SGSM3: variants seen among roughly 807,000 people sequenced by gnomAD.
SGSM3 encodes RUN and SH3 containing 3.
Under a neutral mutation model 100.5 loss-of-function variants are expected in SGSM3, and 96 were observed. The ratio of observed to expected loss-of-function variants is 0.96; its 90% CI spans 0.81 to 1.13. The LOEUF (loss-of-function observed/expected upper bound fraction) is 1.13, where lower values mean the gene tolerates loss of function less well. Ranked by LOEUF, SGSM3 falls within the 50% of genes most tolerant of loss-of-function variation. SGSM3 has a pLI of 0.00. For missense variants in SGSM3, 1,001 were observed against 1,015.8 expected (o/e 0.99, Z 0.20); for synonymous variants, 483 against 422.8 (o/e 1.14, Z -1.75).
chr22:40,405,144 G>T lies in SGSM3; in HGVS notation c.478G>T (p.Glu160Ter). Residue 160 changes from glutamate (E) to a stop codon, truncating the protein, a stop_gained, in exon 7 of 22, where the codon GAG (glutamate) becomes TAG (stop). Coordinates refer to ENST00000248929, the MANE Select transcript of SGSM3 (RefSeq NM_015705.6). LOFTEE classifies it high-confidence loss of function. ...GGTGCCGATGGCTGCCTGACAGATC[G>T]AGAAGGACCTGCTCCGCACCATGCC... ...NDETIAAKQI[E>*]KDLLRTMPSN... 1 of 1,514,630 alleles carries T rather than the reference G, an allele frequency of 6.6e-7. No homozygotes were observed. Among genetic ancestry groups the T allele is most frequent in the South Asian group, 1.3e-5 (1 of 77,542 alleles). The allele number at this position is 1,514,630 out of a possible 1,614,324, so 93.8% of individuals were successfully genotyped here.
chr22:40,383,741 C>G (rs191991002), intron 1 of SGSM3, among the ~76,000 whole-genome samples: 2 of 152,258 alleles, frequency 1.3e-5, no homozygotes, highest in Admixed American at 1.3e-4. Flanking sequence ...TCTATGGAAT[C>G]AGAGCTGTGC....
chr22:40,402,129 C>A lies in SGSM3; in HGVS notation c.91-10C>A, dbSNP rs1316633424. The stretch of plus-strand genomic sequence containing the variant: ...ACAGGCAACTGACTTCAACCTCATC[C>A]TGATTCTAGAAGGAAGAGTCAGCAG... On this transcript the variant is annotated splice_polypyrimidine_tract_variant and intron_variant, in intron 3 of 21. Transcript: ENST00000248929. 6.2e-7 allele frequency: 1 copy of A among 1,611,996 alleles called. No individual in the cohort carries two copies. The highest frequency in any genetic ancestry group is 1.7e-5 in the Admixed American group (1 of 60,016).
chr22:40,374,018 G>A (rs1275826834), intron 1 of SGSM3, among the ~76,000 whole-genome samples: 1 of 151,764 alleles, frequency 6.6e-6, no homozygotes, highest in Non-Finnish European at 1.5e-5. Flanking sequence ...GCGTGATCTC[G>A]GCTCACTGCA....
chr22:40,404,998 A>G, intron 6 of SGSM3, 143 bp from the exon 7 acceptor site: 3 of 1,143,846 alleles, frequency 2.6e-6, no homozygotes. Context: ...ACTGGCTGGG[A>G]GCTGACCCTG....
intron 1 of SGSM3, among the ~76,000 whole-genome samples, chr22:40,388,797 GGGTGAAGATGGAAA>G (rs1269759612): frequency 1.3e-5 from 2 of 152,162 alleles, no homozygotes; most frequent in Non-Finnish European, 2.9e-5. Context: ...AATAGTTGAG[GGGTGAAGATGGAAA>G]GGTGAAGAAT....
chr22:40,393,976 C>T (rs557266017), intron 1 of SGSM3, among the ~76,000 whole-genome samples: 29 of 152,318 alleles, frequency 1.9e-4, no homozygotes, highest in African/African-American at 6.7e-4. Flanking sequence ...GTTTCCACAA[C>T]ACAACACACT....
In SGSM3 at chr22:40,405,604, C is replaced by T. The variant is rs549305690; in HGVS notation, c.619-45C>T. ...GGGTAGGGGCACCTTTTCTAATCTG[C>T]ACAAAGACCTGGGTAGAAGGCCCTT... On this transcript the variant is annotated intron_variant, in intron 7 of 21. Transcript: ENST00000248929. 2.5e-4 allele frequency: 390 copies of T among 1,564,772 alleles called. 1 individual carries two copies. Among genetic ancestry groups the T allele is most frequent in the South Asian group, 6.7e-4 (57 of 85,156 alleles).
At chr22:40,405,030 TCAGGAACA>T in intron 6 of SGSM3, 103 bp from the exon 7 acceptor site, 1 of 1,384,828 alleles carries the variant, frequency 7.2e-7, no homozygotes, top group South Asian at 1.6e-5. Flanking sequence ...GTGACCTTGA[TCAGGAACA>T]CAAGGAATCC....
chr22:40,374,301 T>C (rs1323341876), intron 1 of SGSM3, among the ~76,000 whole-genome samples: 1 of 152,172 alleles, frequency 6.6e-6, no homozygotes, highest in Non-Finnish European at 1.5e-5. Context: ...CACTTTATTG[T>C]GAAGATGTCA....
chr22:40,402,012 G>A, intron 3 of SGSM3, 127 bp from the exon 4 acceptor site: 1 of 709,026 alleles, frequency 1.4e-6, no homozygotes, highest in South Asian at 1.7e-5. Flanking sequence ...TTTTGGAAGA[G>A]TAGCCTTTGA....
intron 1 of SGSM3, chr22:40,376,261 T>TA (rs949390696): frequency 1.9e-4 from 26 of 139,016 alleles, no homozygotes; most frequent in Admixed American, 1.7e-3. Flanking sequence ...AAGTTCAACT[T>TA]ACGGCTCTGC....
intron 1 of SGSM3, among the ~76,000 whole-genome samples, chr22:40,380,019 C>G (rs1601761094): frequency 6.6e-6 from 1 of 152,188 alleles, no homozygotes; most frequent in South Asian, 2.1e-4. Flanking sequence ...CCTGGTTTCT[C>G]TTATTAACTG....
At chr22:40,399,859 C>T (rs1170264967) in intron 1 of SGSM3, among the ~76,000 whole-genome samples, 2 of 152,226 alleles carry the variant, frequency 1.3e-5, no homozygotes, top group African/African-American at 4.8e-5. Flanking sequence ...GCCTCTGTAA[C>T]AGTCAGGAAT....
At chr22:40,394,645 CAAAAAAAAAAA>C (rs34700924) in intron 1 of SGSM3, among the ~76,000 whole-genome samples, 1 of 84,132 alleles carries the variant, frequency 1.2e-5, no homozygotes, top group South Asian at 4.7e-4. Context: ...ACTCCTGTCT[CAAAAAAAAAAA>C]AAAAAAAAAA....
Position 40,409,337 on chromosome 22 carries a change from C to T in SGSM3, c.2076C>T (p.Arg692=), listed in dbSNP as rs2052218710. The T allele has an allele frequency of 1.9e-6, 3 of 1,612,514 alleles. No individual in the cohort carries two copies. The highest frequency in any genetic ancestry group is 1.7e-6 in the Non-Finnish European group (2 of 1,179,470). ...EKWYQPWSFL[R]SPGWVQIKCE... ...GGTACCAGCCCTGGTCCTTCCTGCGCAGCCCGGGCTGGGTCCAGATCAAGT... is the reference window on the plus strand; with the variant it reads ...GGTACCAGCCCTGGTCCTTCCTGCGTAGCCCGGGCTGGGTCCAGATCAAGT... The change falls in exon 20 of 22, where the codon CGC becomes CGT. Residue 692 remains arginine (R), a synonymous_variant. Coordinates refer to ENST00000248929, the MANE Select transcript of SGSM3 (RefSeq NM_015705.6).
At position 40,407,004 on chromosome 22, in the gene SGSM3, C is replaced by T. The variant is rs780246533; in HGVS notation, c.1186-13C>T. On this transcript the variant is annotated splice_polypyrimidine_tract_variant and intron_variant, in intron 10 of 21. Coordinates refer to ENST00000248929, the MANE Select transcript of SGSM3 (RefSeq NM_015705.6). This position sits in a 1 kb window ranked among gnomAD's most constrained non-coding sequence, Gnocchi z 4.7. ...GGGGCCAGGACCACCCTGACCCACT[C>T]CTCTTGGTGCAGGTTGTTCGCCGCA... The T allele has an allele frequency of 8.9e-6, 14 of 1,564,370 alleles. No homozygotes were observed. The South Asian group carries it at 1.6e-4, about 18-fold the overall frequency.
At chr22:40,389,178 TAAG>T in intron 1 of SGSM3, among the ~76,000 whole-genome samples, 1 of 151,966 alleles carries the variant, frequency 6.6e-6, no homozygotes, top group Non-Finnish European at 1.5e-5. Context: ...AAAAGGAGAC[TAAG>T]AAGGAGCCAG....
chr22:40,407,723 G>A lies in SGSM3; in HGVS notation c.1525-66G>A, dbSNP rs554687971. ...GGCCTAGTTGCTGAGGAGTCATATC[G>A]GGGGTGCAGGAGGCGCTGGCCCAGG... On this transcript the variant is annotated intron_variant, in intron 13 of 21. Transcript: ENST00000248929. This position sits in a 1 kb window ranked among gnomAD's most constrained non-coding sequence, Gnocchi z 4.7. The A allele has an allele frequency of 3.3e-5, 53 of 1,589,128 alleles. No homozygotes were observed. The Middle Eastern group carries it at 5.0e-4, about 15-fold the overall frequency.
Position 40,409,947 on chromosome 22 carries a change from G to T in SGSM3, c.*188G>T, listed in dbSNP as rs2052375116. ...AGCAGAGGGTACCCTGCCCCACCAGGGTCCTTAGGGATGCTCTAGGCCAAA... is the reference window on the plus strand; with the variant it reads ...AGCAGAGGGTACCCTGCCCCACCAGTGTCCTTAGGGATGCTCTAGGCCAAA... On this transcript the variant is annotated 3_prime_UTR_variant, in exon 22 of 22. Coordinates refer to ENST00000248929, the MANE Select transcript of SGSM3 (RefSeq NM_015705.6). The T allele has an allele frequency of 3.6e-6, 5 of 1,397,006 alleles. No individual in the cohort carries two copies. Among genetic ancestry groups the T allele is most frequent in the Non-Finnish European group, 4.6e-6 (5 of 1,082,088 alleles). The allele number at this position is 1,397,006 out of a possible 1,614,324, so 86.5% of individuals were successfully genotyped here. A position where few individuals can be genotyped will look rare whatever the true frequency, so the allele number is the denominator to read the frequency against.
Sources: gnomAD v4.1 joint callset for allele counts (sites outside exome capture counted in the v4.1 genomes callset) on GRCh38, gnomAD v4.1.1 for gene constraint, Gnocchi (gnomAD v3.1) non-coding constraint, MANE v1.5 for transcripts, NCBI Gene and HGNC (gene_info 2026-07-23, HGNC 2026-07-21) for gene names.